PRMT8: variants seen among roughly 807,000 people sequenced by gnomAD.
PRMT8 encodes protein arginine methyltransferase 8, also known as protein arginine N-methyltransferase 8.
In PRMT8, 7 loss-of-function variants were observed where a neutral mutation model predicts 47.1. That is an observed-to-expected ratio of 0.15 (90% CI 0.08 to 0.28). The LOEUF (loss-of-function observed/expected upper bound fraction) is 0.28, where lower values mean the gene tolerates loss of function less well. Among genes scored for constraint, PRMT8 ranks in the 10% least tolerant of loss-of-function variants. The pLI is 1.00. For synonymous variants in PRMT8, 188 were observed against 186.5 expected, an observed-to-expected ratio of 1.01 and a Z score of -0.07; for missense variants, 237 against 505.4, an observed-to-expected ratio of 0.47 and a Z score of 5.09.
At chr12:3,395,559 G>A (rs1311122539) in intron 1 of PRMT8, among the ~76,000 whole-genome samples, 1 of 151,642 alleles carries the variant, frequency 6.6e-6, no homozygotes, top group African/African-American at 2.4e-5. Flanking sequence ...TAGTTTGATT[G>A]CACTGTGGTC....
chr12:3,547,050 A>G (rs544590492), intron 2 of PRMT8, among the ~76,000 whole-genome samples: 128 of 152,378 alleles, frequency 8.4e-4, no homozygotes, highest in African/African-American at 3.0e-3. Context: ...ATGAAAAAGC[A>G]TGTGACAAAA....
intron 1 of PRMT8, among the ~76,000 whole-genome samples, chr12:3,428,930 GTCTC>G: frequency 7.6e-6 from 1 of 131,708 alleles, no homozygotes. Context: ...CTCCATCTTT[GTCTC>G]TCTGTCTCTT....
In PRMT8 at chr12:3,569,988, T is replaced by G. The variant is rs1043575818; in HGVS notation, c.712+424T>G. 2.0e-5 allele frequency among the ~76,000 whole-genome samples: 3 copies of G among 152,168 alleles called. No individual in the cohort carries two copies. Among genetic ancestry groups the G allele is most frequent in the Admixed American group, 6.5e-5 (1 of 15,274 alleles). ...GTTTTGAATCCTGCCTCCATTCCAT[T>G]CAAACTTATCAAAATAATATTGATT... On this transcript the variant is annotated intron_variant, in intron 6 of 9. Coordinates refer to ENST00000382622, the MANE Select transcript of PRMT8 (RefSeq NM_019854.5). The surrounding 1 kb of genome is among the most constrained non-coding windows in gnomAD (Gnocchi z 8.2).
chr12:3,585,308 T>C (rs978695104), intron 8 of PRMT8, among the ~76,000 whole-genome samples: 8 of 150,590 alleles, frequency 5.3e-5, no homozygotes, highest in African/African-American at 1.7e-4. Flanking sequence ...ATCGAGGACA[T>C]GATTCTTTAC....
intron 1 of PRMT8, among the ~76,000 whole-genome samples, chr12:3,518,650 C>T (rs558748947): frequency 1.2e-3 from 190 of 152,160 alleles, no homozygotes; most frequent in African/African-American, 4.3e-3. Context: ...GATGGGATAA[C>T]AATAACCCCA....
chr12:3,577,242 G>T (rs575892745), intron 7 of PRMT8, among the ~76,000 whole-genome samples: 2 of 152,360 alleles, frequency 1.3e-5, no homozygotes, highest in East Asian at 3.9e-4. Context: ...GCAGAAGGGT[G>T]GGGGTGCAGG....
At chr12:3,389,355 C>G (rs946890017) in intron 1 of PRMT8, among the ~76,000 whole-genome samples, 1 of 152,138 alleles carries the variant, frequency 6.6e-6, no homozygotes, top group African/African-American at 2.4e-5. Flanking sequence ...TGCAAAATCC[C>G]TAAGGTTACA....
chr12:3,519,091 C>G (rs1381617693), intron 1 of PRMT8, among the ~76,000 whole-genome samples: 1 of 152,098 alleles, frequency 6.6e-6, no homozygotes, highest in Admixed American at 6.5e-5. Flanking sequence ...GAAGTGACTG[C>G]TAAATCTTTG....
intron 7 of PRMT8, among the ~76,000 whole-genome samples, chr12:3,577,519 G>T (rs936571529): frequency 6.6e-6 from 1 of 151,878 alleles, no homozygotes; most frequent in Middle Eastern, 3.4e-3. Flanking sequence ...CTGCCAGATA[G>T]AGCTTCCAGC....
At chr12:3,539,160 A>C (rs1565435028) in intron 1 of PRMT8, among the ~76,000 whole-genome samples, 1 of 152,216 alleles carries the variant, frequency 6.6e-6, no homozygotes, top group African/African-American at 2.4e-5. Flanking sequence ...CAAGGACATG[A>C]TGTATGTAAT....
chr12:3,384,253 C>CT (rs80159289), intron 1 of PRMT8, among the ~76,000 whole-genome samples: 193 of 142,884 alleles, frequency 1.4e-3, no homozygotes, highest in South Asian at 1.8e-3. Context: ...CCCTCTATTC[C>CT]TTTTTTTTTT....
chr12:3,451,033 A>ACCCCCGCC (rs1864911639), intron 1 of PRMT8, among the ~76,000 whole-genome samples: 1 of 26,088 alleles, frequency 3.8e-5, no homozygotes, highest in African/African-American at 1.5e-4. Flanking sequence ...TCTTGCTGAC[A>ACCCCCGCC]CCCCCCCCCC....
At chr12:3,474,681 G>T (rs1309591328) in intron 1 of PRMT8, among the ~76,000 whole-genome samples, 1 of 152,206 alleles carries the variant, frequency 6.6e-6, no homozygotes, top group Admixed American at 6.5e-5. Flanking sequence ...CTCCTAAGCA[G>T]CAAGATGAGC....
At position 3,398,755 on chromosome 12, in the gene PRMT8, C is replaced by T. The variant is rs116190698; in HGVS notation, c.48+17313C>T. Among the ~76,000 whole-genome samples, 688 of 152,292 alleles carry T rather than the reference C, an allele frequency of 4.5e-3. 3 individuals carry two copies. The highest frequency in any genetic ancestry group is 0.016 in the African/African-American group (645 of 41,566). On this transcript the variant is annotated intron_variant, in intron 1 of 9. Transcript: ENST00000452611. Reference sequence around the variant, plus strand: ...TGTTGTGCCCCTGGGTGGCATGTAGCTCCATTACTGTTTAGCCTGGAAGCC... The same window carrying T: ...TGTTGTGCCCCTGGGTGGCATGTAGTTCCATTACTGTTTAGCCTGGAAGCC...
chr12:3,391,108 G>A (rs1278243310), intron 1 of PRMT8, among the ~76,000 whole-genome samples: 1 of 152,128 alleles, frequency 6.6e-6, no homozygotes, highest in African/African-American at 2.4e-5. Context: ...ATCTCCTATA[G>A]CATGCACTCA....
chr12:3,552,939 G>A lies in PRMT8; in HGVS notation c.418-712G>A. 2.8e-6 allele frequency: 1 copy of A among 353,038 alleles called. No individual in the cohort carries two copies. Among genetic ancestry groups the A allele is most frequent in the East Asian group, 7.6e-5 (1 of 13,150 alleles). 21.9% of individuals were successfully genotyped at this position (353,038 alleles called of 1,614,324 possible). A position where few individuals can be genotyped will look rare whatever the true frequency, so the allele number is the denominator to read the frequency against. On this transcript the variant is annotated intron_variant, in intron 3 of 9. Coordinates refer to ENST00000382622, the MANE Select transcript of PRMT8 (RefSeq NM_019854.5). The surrounding 1 kb of genome is among the most constrained non-coding windows in gnomAD (Gnocchi z 4.5). ...CTGCCCCTCCATGTCCAGAACCCCT[G>A]GCAGTGTGCCTGAGACGCTAACCCT...
At chr12:3,385,320 A>G (rs1864128227) in intron 1 of PRMT8, among the ~76,000 whole-genome samples, 1 of 152,218 alleles carries the variant, frequency 6.6e-6, no homozygotes, top group Non-Finnish European at 1.5e-5. Context: ...CTGCTACACC[A>G]TACCACTTCC....
chr12:3,496,214 A>ATATATATATATATTTTTTTTTTTTT, intron 1 of PRMT8, among the ~76,000 whole-genome samples: 3 of 27,772 alleles, frequency 1.1e-4, no homozygotes, highest in African/African-American at 1.8e-4. Context: ...ATATATATAT[A>ATATATATATATATTTTTTTTTTTTT]TTTTTTTTTT....
chr12:3,469,304 A>G, intron 1 of PRMT8: 1 of 422,980 alleles, frequency 2.4e-6, no homozygotes, highest in Non-Finnish European at 4.6e-6. Context: ...TAAGGAGCTG[A>G]GTCCTTAAGA....
Sources: allele counts gnomAD v4.1 joint callset (sites outside exome capture counted in the v4.1 genomes callset), GRCh38; gene constraint gnomAD v4.1.1; non-coding constraint Gnocchi (gnomAD v3.1); transcripts MANE v1.5; gene names NCBI Gene and HGNC (gene_info 2026-07-23, HGNC 2026-07-21).